The following SLC35D1 variants were observed in gnomAD, a reference collection of about 807,000 sequenced individuals.
SLC35D1 encodes nucleotide sugar transporter SLC35D1.
Under a neutral mutation model 46.7 loss-of-function variants are expected in SLC35D1, and 31 were observed. The observed-to-expected ratio is 0.66, with a 90% CI of 0.50 to 0.90. The LOEUF is 0.90. Among genes scored for constraint, SLC35D1 ranks in the 40% least tolerant of loss-of-function variants. The pLI is 0.00. For missense variants in SLC35D1, 397 were observed against 426.2 expected (o/e 0.93, Z 0.60); for synonymous variants, 195 against 164.6 (o/e 1.18, Z -1.41).
At chr1:66,973,295 C>T in the SLC35D1 span, among the ~76,000 whole-genome samples, 3 of 152,076 alleles carry the variant, frequency 2.0e-5, no homozygotes, top group African/African-American at 7.2e-5. Flanking sequence ...CTGTTTTCCA[C>T]AGTCTGTGAC....
At chr1:66,995,964 G>A (rs900196056), downstream of SLC35D1, among the ~76,000 whole-genome samples, 12 of 152,146 alleles carry the variant, frequency 7.9e-5, no homozygotes, top group Non-Finnish European at 1.5e-4. Context: ...CTCTAACAAC[G>A]AGGGATGGTA....
At chr1:67,042,175 A>G in intron 8 of SLC35D1, 61 bp downstream of exon 8, 1 of 1,426,202 alleles carries the variant, frequency 7.0e-7, no homozygotes, top group East Asian at 2.3e-5. Flanking sequence ...CTATCTTTTC[A>G]TCATAAATAA....
intron 8 of SLC35D1, among the ~76,000 whole-genome samples, chr1:67,033,272 G>T (rs1211085053): frequency 2.0e-5 from 3 of 152,050 alleles, no homozygotes; most frequent in Non-Finnish European, 4.4e-5. Context: ...TTGTATGGTA[G>T]CTGTATTTTT....
intron 6 of SLC35D1, 115 bp from the exon 7 acceptor site, chr1:67,047,482 A>G: frequency 1.1e-6 from 1 of 918,446 alleles, no homozygotes; most frequent in East Asian, 2.7e-5. Flanking sequence ...AGTGAATATT[A>G]GGCATTTTAT....
chr1:67,046,164 C>CA (rs202161267), intron 7 of SLC35D1, among the ~76,000 whole-genome samples: 32 of 150,406 alleles, frequency 2.1e-4, no homozygotes, highest in South Asian at 4.2e-4. Context: ...AAAAACAAAA[C>CA]AAAAAAAAAT....
At chr1:67,016,729 TATC>T in intron 10 of SLC35D1, among the ~76,000 whole-genome samples, 1 of 152,254 alleles carries the variant, frequency 6.6e-6, no homozygotes, top group African/African-American at 2.4e-5. Context: ...ATTCTTAACT[TATC>T]AGAATATAAT....
At chr1:66,974,712 A>T in the SLC35D1 span, among the ~76,000 whole-genome samples, 1 of 152,156 alleles carries the variant, frequency 6.6e-6, no homozygotes, top group African/African-American at 2.4e-5. Context: ...AAGTCAGCTG[A>T]CCTCTACATA....
At chr1:67,020,266 G>A in intron 10 of SLC35D1, 103 bp downstream of exon 10, 1 of 766,430 alleles carries the variant, frequency 1.3e-6, no homozygotes, top group Non-Finnish European at 2.4e-6. Flanking sequence ...AGTATGTGAG[G>A]AAATAACGAT....
At chr1:66,973,927 T>C in the SLC35D1 span, among the ~76,000 whole-genome samples, 1 of 152,152 alleles carries the variant, frequency 6.6e-6, no homozygotes, top group African/African-American at 2.4e-5. Flanking sequence ...AGGCTCTGAA[T>C]AGTCTTCTGC....
intron 7 of SLC35D1, among the ~76,000 whole-genome samples, chr1:67,043,353 C>A (rs140578093): frequency 0.012 from 1,817 of 151,816 alleles, 28 homozygotes; most frequent in African/African-American, 0.04. Flanking sequence ...ACCTGGGTAA[C>A]AGAGCAAGAA....
At chr1:67,012,176 T>C (rs1231453914) in intron 10 of SLC35D1, among the ~76,000 whole-genome samples, 1 of 152,182 alleles carries the variant, frequency 6.6e-6, no homozygotes, top group Non-Finnish European at 1.5e-5. Flanking sequence ...CAAGGGCTTT[T>C]GTCATCTCAA....
At chr1:67,008,730 C>G (rs1210643282) in intron 11 of SLC35D1, among the ~76,000 whole-genome samples, 2 of 152,120 alleles carry the variant, frequency 1.3e-5, no homozygotes, top group Non-Finnish European at 2.9e-5. Context: ...AACCCTGTGG[C>G]CAGGGAACAA....
the SLC35D1 span, among the ~76,000 whole-genome samples, chr1:66,991,513 TAGGA>T: frequency 1.4e-4 from 21 of 152,202 alleles, no homozygotes; most frequent in Admixed American, 6.5e-4. Context: ...GTGACAAACT[TAGGA>T]AGTGTTTCTG....
chr1:66,975,175 T>G, the SLC35D1 span, among the ~76,000 whole-genome samples: 1 of 152,132 alleles, frequency 6.6e-6, no homozygotes, highest in African/African-American at 2.4e-5. Context: ...GAGCAGAAAT[T>G]TATGGGATAA....
chr1:66,989,449 TATG>T, the SLC35D1 span, among the ~76,000 whole-genome samples: 2 of 152,174 alleles, frequency 1.3e-5, no homozygotes, highest in Non-Finnish European at 2.9e-5. Flanking sequence ...TTTGGATTAA[TATG>T]AGGAATATAT....
At chr1:66,995,081 G>T (rs539984267), downstream of SLC35D1, among the ~76,000 whole-genome samples, 10 of 152,186 alleles carry the variant, frequency 6.6e-5, no homozygotes, top group Non-Finnish European at 1.5e-4. Context: ...ACAACAGCCT[G>T]CTCTATCTGA....
chr1:66,982,213 C>CTAGA, the SLC35D1 span, among the ~76,000 whole-genome samples: 9 of 152,096 alleles, frequency 5.9e-5, no homozygotes, highest in African/African-American at 2.2e-4. Flanking sequence ...GGGTTGATGC[C>CTAGA]TAGATACAAG....
the SLC35D1 span, chr1:66,984,638 T>A: frequency 1.2e-6 from 2 of 1,613,724 alleles, no homozygotes; most frequent in East Asian, 2.2e-5. Flanking sequence ...GGGTTACACA[T>A]TAATGGACCA....
the SLC35D1 span, chr1:66,981,761 T>G: frequency 1.3e-6 from 2 of 1,564,858 alleles, no homozygotes; most frequent in East Asian, 2.4e-5. Context: ...ATATAAAAAT[T>G]GTTTTATTAA....
Sources: allele counts gnomAD v4.1 joint callset (sites outside exome capture counted in the v4.1 genomes callset), GRCh38; gene constraint gnomAD v4.1.1; transcripts MANE v1.5; gene names NCBI Gene and HGNC (gene_info 2026-07-23, HGNC 2026-07-21).